NR5A1: variants seen among roughly 807,000 people sequenced by gnomAD.
NR5A1 encodes the protein steroidogenic factor 1.
In NR5A1, 6 loss-of-function variants were observed where a neutral mutation model predicts 42.7. That is an observed-to-expected ratio of 0.14 (90% CI 0.08 to 0.28). The LOEUF (loss-of-function observed/expected upper bound fraction) is 0.28. Among genes scored for constraint, NR5A1 ranks in the 10% least tolerant of loss-of-function variants. The pLI, the probability that NR5A1 is intolerant of heterozygous loss-of-function variation, is 1.00. For synonymous variants in NR5A1, 274 were observed against 277.5 expected (o/e 0.99, Z 0.12); for missense variants, 442 against 626.4 (o/e 0.71, Z 3.14).
At chr9:124,484,878 T>C (rs1832184818) in intron 6 of NR5A1, among the ~76,000 whole-genome samples, 1 of 151,094 alleles carries the variant, frequency 6.6e-6, no homozygotes, top group South Asian at 2.1e-4. Flanking sequence ...TGGGGAGGGG[T>C]GGAGGGGGTT....
chr9:124,503,463 T>TC lies in NR5A1; in HGVS notation c.-15-54dup. ...GCCGGCGGAGACCGGCAGCCTGGGG[T>TC]CCCCGCGGCCGCCGCCCCAGCCGCT... On this transcript the variant is annotated intron_variant, in intron 1 of 6. Coordinates refer to ENST00000373588, the MANE Select transcript of NR5A1 (RefSeq NM_004959.5). This position sits in a 1 kb window ranked among gnomAD's most constrained non-coding sequence, Gnocchi z 9.6. 1 of 1,465,550 alleles carries TC rather than the reference T, an allele frequency of 6.8e-7. No homozygotes were observed. Among genetic ancestry groups the TC allele is most frequent in the Non-Finnish European group, 9.2e-7 (1 of 1,082,016 alleles). The allele number at this position is 1,465,550 out of a possible 1,614,324, so 90.8% of individuals were successfully genotyped here.
Position 124,503,051 on chromosome 9 carries a change from C to G in NR5A1, c.244+28G>C. 1 of 1,547,760 alleles carries G rather than the reference C, an allele frequency of 6.5e-7. No individual in the cohort carries two copies. Among genetic ancestry groups the G allele is most frequent in the Non-Finnish European group, 8.7e-7 (1 of 1,150,836 alleles). ...CCTACCCCCTCAGGCTGTGGGGGGT[C>G]AGGGGTCGAGGCCCGCGCGGCGCGC... On this transcript the variant is annotated intron_variant, in intron 3 of 6. Transcript: ENST00000373588. The surrounding 1 kb of genome is among the most constrained non-coding windows in gnomAD (Gnocchi z 9.6).
chr9:124,505,237 G>A (rs1832539352), intron 1 of NR5A1, among the ~76,000 whole-genome samples: 2 of 152,230 alleles, frequency 1.3e-5, no homozygotes, highest in Non-Finnish European at 2.9e-5. Context: ...GGGGGCCTTG[G>A]GTCACCCGCC....
intron 6 of NR5A1, 56 bp downstream of exon 6, chr9:124,491,022 CCCT>C: frequency 1.3e-5 from 7 of 552,562 alleles, no homozygotes; most frequent in East Asian, 5.4e-5. Context: ...GCCTCACCCA[CCCT>C]CCCACCCACC....
chr9:124,491,998 G>C (rs771711873), intron 5 of NR5A1, among the ~76,000 whole-genome samples: 4 of 152,020 alleles, frequency 2.6e-5, no homozygotes, highest in Non-Finnish European at 5.9e-5. Flanking sequence ...CTCACAGGGA[G>C]CCCCAAAGAC....
chr9:124,506,593 C>T (rs569857320), intron 1 of NR5A1, among the ~76,000 whole-genome samples: 3 of 152,298 alleles, frequency 2.0e-5, no homozygotes, highest in South Asian at 2.1e-4. Context: ...CCCCAGCCGC[C>T]GGGGTTGGGT....
At chr9:124,488,608 C>T (rs1337311808) in intron 6 of NR5A1, among the ~76,000 whole-genome samples, 4 of 152,176 alleles carry the variant, frequency 2.6e-5, no homozygotes, top group South Asian at 2.1e-4. Flanking sequence ...AAAACAATTC[C>T]GACACACACT....
chr9:124,506,038 G>A (rs1339711785), intron 1 of NR5A1, among the ~76,000 whole-genome samples: 2 of 152,210 alleles, frequency 1.3e-5, no homozygotes, highest in African/African-American at 2.4e-5. Context: ...CATTGACAGC[G>A]GCGCAACCCA....
Position 124,482,570 on chromosome 9 carries a change from G to T in NR5A1, c.*188C>A. 1 of 689,526 alleles carries T rather than the reference G, an allele frequency of 1.5e-6. No homozygotes were observed. Among genetic ancestry groups the T allele is most frequent in the Non-Finnish European group, 2.3e-6 (1 of 433,126 alleles). The allele number at this position is 689,526 out of a possible 1,614,324, so 42.7% of individuals were successfully genotyped here. The stretch of plus-strand genomic sequence containing the variant: ...GGCCACTCCACCTCCGCCAGGCCCT[G>T]CCCAGCCTCACCCACCTTCCCAAAC... On this transcript the variant is annotated 3_prime_UTR_variant, in exon 7 of 7. Coordinates refer to ENST00000373588, the MANE Select transcript of NR5A1 (RefSeq NM_004959.5).
At position 124,482,112 on chromosome 9, in the gene NR5A1, T is replaced by TC. The variant is rs1564146549; in HGVS notation, c.*645dup. ...CAGTGATGCCTGGAGCAAAGTTTTT[T>TC]CCCGATGATGTATCAATGCCCCCTC... On this transcript the variant is annotated 3_prime_UTR_variant, in exon 7 of 7. Coordinates refer to ENST00000373588, the MANE Select transcript of NR5A1 (RefSeq NM_004959.5). 6.5e-6 allele frequency: 1 copy of TC among 153,772 alleles called. No individual in the cohort carries two copies. The highest frequency in any genetic ancestry group is 2.4e-5 in the African/African-American group (1 of 41,416). 9.5% of individuals were successfully genotyped at this position (153,772 alleles called of 1,614,324 possible).
chr9:124,501,054 C>T lies in NR5A1; in HGVS notation c.245-339G>A. On this transcript the variant is annotated intron_variant, in intron 3 of 6. Transcript: ENST00000373588. This position sits in a 1 kb window ranked among gnomAD's most constrained non-coding sequence, Gnocchi z 4.1. ...CTTGTGCTTGCTGAACACCCAGCCT[C>T]AATGTCACTACTTCCAGGAAGCACT... is the stretch of plus-strand genomic sequence containing the variant. 1.7e-6 allele frequency: 1 copy of T among 589,558 alleles called. No individual in the cohort carries two copies. Among genetic ancestry groups the T allele is most frequent in the Non-Finnish European group, 3.3e-6 (1 of 304,338 alleles). The allele number at this position is 589,558 out of a possible 1,614,324, so 36.5% of individuals were successfully genotyped here.
At position 124,491,170 on chromosome 9, in the gene NR5A1, C is replaced by T. The variant is rs764699692; in HGVS notation, c.1049G>A (p.Arg350Gln). The T allele has an allele frequency of 4.3e-6, 7 of 1,609,432 alleles. No homozygotes were observed. Among genetic ancestry groups the T allele is most frequent in the South Asian group, 1.1e-5 (1 of 90,378 alleles). ...AGSLLHSLVL[R>Q]AQELVLQLLA... is the part of the protein sequence containing the mutation. Reference sequence around the variant, plus strand: ...CAGCTGCAGCACCAGCTCCTGCGCCCGCAACACCAGGCTGTGCAGCAGCGA... The same window carrying T: ...CAGCTGCAGCACCAGCTCCTGCGCCTGCAACACCAGGCTGTGCAGCAGCGA... Residue 350 changes from arginine to glutamine, a missense_variant, in exon 6 of 7, where the codon CGG becomes CAG. Transcript: ENST00000373588.
rs1357248159 is a variant in NR5A1 at position 124,500,743 on chromosome 9, C to T, written c.245-28G>A. Reference sequence around the variant, plus strand: ...GTGGGCAGGGGCAGAGGGTCAGACTCACCCTCTCTAAGCCCCCTTCCATGC... The same window carrying T: ...GTGGGCAGGGGCAGAGGGTCAGACTTACCCTCTCTAAGCCCCCTTCCATGC... On this transcript the variant is annotated intron_variant, in intron 3 of 6. Coordinates refer to ENST00000373588, the MANE Select transcript of NR5A1 (RefSeq NM_004959.5). The surrounding 1 kb of genome is among the most constrained non-coding windows in gnomAD (Gnocchi z 6.9). 1.9e-6 allele frequency: 3 copies of T among 1,612,190 alleles called. No homozygotes were observed. Among genetic ancestry groups the T allele is most frequent in the Non-Finnish European group, 8.5e-7 (1 of 1,180,012 alleles).
chr9:124,500,066 AGCC>A lies in NR5A1; in HGVS notation c.870+21_870+23del. ...GCCGGGAGGACCATGATGCAGGGCC[AGCC>A]GGGCGGGAGGAGAGACTCACCTCCA... is the stretch of plus-strand genomic sequence containing the variant. On this transcript the variant is annotated intron_variant, in intron 4 of 6. Coordinates refer to ENST00000373588, the MANE Select transcript of NR5A1 (RefSeq NM_004959.5). This position sits in a 1 kb window ranked among gnomAD's most constrained non-coding sequence, Gnocchi z 6.9. The A allele has an allele frequency of 6.2e-7, 1 of 1,613,070 alleles. No homozygotes were observed. The highest frequency in any genetic ancestry group is 8.5e-7 in the Non-Finnish European group (1 of 1,180,024).
At chr9:124,497,295 C>T (rs1832403270) in intron 4 of NR5A1, among the ~76,000 whole-genome samples, 1 of 152,174 alleles carries the variant, frequency 6.6e-6, no homozygotes, top group Non-Finnish European at 1.5e-5. Flanking sequence ...AAGTCACTTG[C>T]CCAAAATCAT....
At position 124,500,263 on chromosome 9, in the gene NR5A1, G is replaced by C. The variant is rs576960513; in HGVS notation, c.697C>G (p.Leu233Val). Residue 233 changes from leucine (L) to valine (V), a missense_variant, in exon 4 of 7, where the codon CTG becomes GTG. Coordinates refer to ENST00000373588, the MANE Select transcript of NR5A1 (RefSeq NM_004959.5). This position sits in a 1 kb window ranked among gnomAD's most constrained non-coding sequence, Gnocchi z 6.9. ...VPELILQLLQLEPDEDQVRAR... is the reference protein window; with the variant it reads ...VPELILQLLQVEPDEDQVRAR... The stretch of plus-strand genomic sequence containing the variant: ...CGCACCTGGTCCTCATCCGGCTCCA[G>C]CTGCAGCAGCTGCAGGATGAGCTCA... 4 of 1,584,754 alleles carry C rather than the reference G, an allele frequency of 2.5e-6. No homozygotes were observed. Among genetic ancestry groups the C allele is most frequent in the Non-Finnish European group, 3.4e-6 (4 of 1,165,934 alleles).
Position 124,503,287 on chromosome 9 carries a change from C to G in NR5A1, c.102+7G>C. On this transcript the variant is annotated splice_region_variant and intron_variant, in intron 2 of 6. Transcript: ENST00000373588. The surrounding 1 kb of genome is among the most constrained non-coding windows in gnomAD (Gnocchi z 9.6). Reference sequence around the variant, plus strand: ...TGCCGCACCCCTGCCGCGCGCTCGCCGCTCACCTTGCAGCTCTCACACGTG... The same window carrying G: ...TGCCGCACCCCTGCCGCGCGCTCGCGGCTCACCTTGCAGCTCTCACACGTG... The G allele has an allele frequency of 1.2e-6, 2 of 1,609,482 alleles. No homozygotes were observed. The highest frequency in any genetic ancestry group is 1.7e-6 in the Non-Finnish European group (2 of 1,178,528).
rs1832442751 is a variant in NR5A1 at position 124,500,134 on chromosome 9, T to C, written c.826A>G (p.Ile276Val). 2 of 1,612,790 alleles carry C rather than the reference T, an allele frequency of 1.2e-6. No individual in the cohort carries two copies. Among genetic ancestry groups the C allele is most frequent in the East Asian group, 4.5e-5 (2 of 44,866 alleles). ...CRMADQTFIS[I>V]VDWARRCMVF... is the part of the protein sequence containing the mutation. ...ATGCACCTGCGTGCCCAGTCCACGATGGAGATGAAGGTCTGGTCGGCCATT... is the reference window on the plus strand; with the variant it reads ...ATGCACCTGCGTGCCCAGTCCACGACGGAGATGAAGGTCTGGTCGGCCATT... Residue 276 changes from isoleucine (I) to valine (V), a missense_variant, in exon 4 of 7, where the codon ATC (isoleucine) becomes GTC (valine). This residue lies in a region of NR5A1 where 163 missense variants were observed against 265.8 expected (regional missense o/e 0.61). Coordinates refer to ENST00000373588, the MANE Select transcript of NR5A1 (RefSeq NM_004959.5). The surrounding 1 kb of genome is among the most constrained non-coding windows in gnomAD (Gnocchi z 6.9).
chr9:124,496,375 T>G lies in NR5A1; in HGVS notation c.871-3226A>C, dbSNP rs1488946356. Among the ~76,000 whole-genome samples, 1 of 152,178 alleles carries G rather than the reference T, an allele frequency of 6.6e-6. No individual in the cohort carries two copies. Among genetic ancestry groups the G allele is most frequent in the Non-Finnish European group, 1.5e-5 (1 of 68,030 alleles). ...CTACCCTCAGGCCTCCTTGTCGCCC[T>G]GGGAACAATGACATTTGCAGCCCCA... On this transcript the variant is annotated intron_variant, in intron 4 of 6. Coordinates refer to ENST00000373588, the MANE Select transcript of NR5A1 (RefSeq NM_004959.5). This position sits in a 1 kb window ranked among gnomAD's most constrained non-coding sequence, Gnocchi z 5.0.
Sources: gnomAD v4.1 joint callset for allele counts (sites outside exome capture counted in the v4.1 genomes callset) on GRCh38, gnomAD v4.1.1 for gene constraint, gnomAD v4.1.1 regional missense constraint, Gnocchi (gnomAD v3.1) non-coding constraint, MANE v1.5 for transcripts, NCBI Gene and HGNC (gene_info 2026-07-23, HGNC 2026-07-21) for gene names.